KCNIP4: variants seen among roughly 807,000 people sequenced by gnomAD.
KCNIP4 encodes potassium voltage-gated channel interacting protein 4.
Under a neutral mutation model 34.0 loss-of-function variants are expected in KCNIP4, and 12 were observed. That is an observed-to-expected ratio of 0.35 (90% CI 0.23 to 0.57). The LOEUF (loss-of-function observed/expected upper bound fraction) is 0.57, where lower values mean the gene tolerates loss of function less well. Among genes scored for constraint, KCNIP4 ranks in the 20% least tolerant of loss-of-function variants. The pLI is 0.83. For synonymous variants in KCNIP4, 124 were observed against 102.2 expected (o/e 1.21, Z -1.29); for missense variants, 238 against 311.7 (o/e 0.76, Z 1.78).
intron 1 of KCNIP4, among the ~76,000 whole-genome samples, chr4:21,742,846 T>C (rs1414924137): frequency 6.6e-6 from 1 of 152,060 alleles, no homozygotes; most frequent in Non-Finnish European, 1.5e-5. Context: ...ATTAAGAGCA[T>C]ACACATACAC....
At chr4:21,814,137 G>A (rs774517157) in intron 1 of KCNIP4, among the ~76,000 whole-genome samples, 2 of 152,044 alleles carry the variant, frequency 1.3e-5, no homozygotes, top group Admixed American at 6.6e-5. Context: ...GCTAGTGACT[G>A]GGAATCACGA....
intron 3 of KCNIP4, among the ~76,000 whole-genome samples, chr4:20,769,597 T>C (rs962664406): frequency 6.6e-6 from 1 of 152,148 alleles, no homozygotes; most frequent in Admixed American, 6.5e-5. Context: ...GACCATAAAC[T>C]TAGTAACTCT....
intron 1 of KCNIP4, among the ~76,000 whole-genome samples, chr4:21,629,815 T>G (rs898642962): frequency 6.6e-6 from 1 of 150,548 alleles, no homozygotes; most frequent in Non-Finnish European, 1.5e-5. Flanking sequence ...AATGTCTTGA[T>G]GTCAGAAAAC....
intron 1 of KCNIP4, among the ~76,000 whole-genome samples, chr4:21,425,661 G>A (rs1725866743): frequency 6.6e-6 from 1 of 152,188 alleles, no homozygotes; most frequent in South Asian, 2.1e-4. Context: ...AATTCTTTCA[G>A]AAGTTATGAT....
chr4:21,433,552 G>C (rs2109675947), intron 1 of KCNIP4, among the ~76,000 whole-genome samples: 1 of 152,342 alleles, frequency 6.6e-6, no homozygotes. Flanking sequence ...AGCCAATTTA[G>C]ATCAGACAAA....
At chr4:21,499,924 A>G (rs1032970251) in intron 1 of KCNIP4, among the ~76,000 whole-genome samples, 1 of 152,182 alleles carries the variant, frequency 6.6e-6, no homozygotes, top group African/African-American at 2.4e-5. Context: ...TACATATAAA[A>G]GAGAATGAAT....
chr4:21,866,966 T>C (rs1181878506), intron 1 of KCNIP4, among the ~76,000 whole-genome samples: 1 of 151,806 alleles, frequency 6.6e-6, no homozygotes, highest in Non-Finnish European at 1.5e-5. Context: ...AGAGACAGGG[T>C]TTCACCATGT....
At chr4:21,475,590 C>T (rs142409832) in intron 1 of KCNIP4, among the ~76,000 whole-genome samples, 1 of 152,264 alleles carries the variant, frequency 6.6e-6, no homozygotes, top group East Asian at 1.9e-4. Flanking sequence ...ATGTTGATCA[C>T]CCTTGGCACA....
rs973472177 is a variant in KCNIP4, at chr4:20,975,188, C to G, written c.62-92479G>C. ...ATGATCTTATCCACTACTTATAGAT[C>G]TTTTATTTTTAAGAGAGTGTAGACT... On this transcript the variant is annotated intron_variant, in intron 1 of 8. Transcript: ENST00000382152. Among the ~76,000 whole-genome samples, 7 of 151,992 alleles carry G rather than the reference C, an allele frequency of 4.6e-5. No individual in the cohort carries two copies. In the East Asian group the frequency reaches 1.3e-3, roughly 29 times the overall value.
intron 1 of KCNIP4, among the ~76,000 whole-genome samples, chr4:21,884,956 C>CT (rs571962348): frequency 2.0e-5 from 3 of 151,858 alleles, no homozygotes; most frequent in Non-Finnish European, 4.4e-5. Context: ...TAGCCTCCCC[C>CT]CCACTACTGT....
chr4:21,624,220 T>C (rs181487082), intron 1 of KCNIP4, among the ~76,000 whole-genome samples: 26 of 152,234 alleles, frequency 1.7e-4, no homozygotes, highest in Middle Eastern at 6.8e-3. Flanking sequence ...TTATAATATA[T>C]ATATAAGAAG....
chr4:21,782,560 T>A (rs963635078), intron 1 of KCNIP4, among the ~76,000 whole-genome samples: 2 of 152,084 alleles, frequency 1.3e-5, no homozygotes, highest in Non-Finnish European at 2.9e-5. Context: ...TAGCCAGGCA[T>A]GATGGCATGC....
chr4:21,792,000 CAAAAAAAAAAAA>C (rs71193407), intron 1 of KCNIP4, among the ~76,000 whole-genome samples: 1 of 59,748 alleles, frequency 1.7e-5, no homozygotes, highest in African/African-American at 7.6e-5. Context: ...GACTCCGTCT[CAAAAAAAAAAAA>C]AAAAAAAAAA....
intron 2 of KCNIP4, among the ~76,000 whole-genome samples, chr4:20,874,153 A>C (rs1723761505): frequency 6.6e-6 from 1 of 152,170 alleles, no homozygotes; most frequent in Admixed American, 6.5e-5. Flanking sequence ...CTTACAGATT[A>C]TTTACTATCA....
At chr4:21,714,550 A>AG (rs748607879) in intron 1 of KCNIP4, among the ~76,000 whole-genome samples, 1 of 135,408 alleles carries the variant, frequency 7.4e-6, no homozygotes, top group Non-Finnish European at 1.6e-5. Flanking sequence ...AGAGGGAGGA[A>AG]GGGGGGGATT....
At chr4:21,619,095 T>C (rs918400156) in intron 1 of KCNIP4, among the ~76,000 whole-genome samples, 1 of 152,124 alleles carries the variant, frequency 6.6e-6, no homozygotes, top group African/African-American at 2.4e-5. Flanking sequence ...ACTCAATACA[T>C]GTTTGTGGAG....
intron 1 of KCNIP4, among the ~76,000 whole-genome samples, chr4:20,892,461 T>C (rs1377451246): frequency 6.6e-6 from 1 of 152,162 alleles, no homozygotes; most frequent in African/African-American, 2.4e-5. Flanking sequence ...CTCCCTCTTC[T>C]TCTCTGTCTC....
intron 1 of KCNIP4, among the ~76,000 whole-genome samples, chr4:21,789,992 G>A (rs1327124300): frequency 6.6e-6 from 1 of 152,178 alleles, no homozygotes; most frequent in Non-Finnish European, 1.5e-5. Context: ...ACATTTGACA[G>A]TAGGAAAAGC....
intron 3 of KCNIP4, among the ~76,000 whole-genome samples, chr4:20,788,621 CA>C (rs1712316545): frequency 6.6e-6 from 1 of 152,118 alleles, no homozygotes; most frequent in African/African-American, 2.4e-5. Context: ...ATAAATAGTC[CA>C]TGCTCTCAGA....
Sources: allele counts gnomAD v4.1 joint callset (sites outside exome capture counted in the v4.1 genomes callset), GRCh38; gene constraint gnomAD v4.1.1; transcripts MANE v1.5; gene names NCBI Gene and HGNC (gene_info 2026-07-23, HGNC 2026-07-21).